TENT5D: variants seen among roughly 807,000 people sequenced by gnomAD.
TENT5D encodes the protein terminal nucleotidyltransferase 5D, also known as cancer/testis antigen 112.
For synonymous variants in TENT5D, 103 were observed against 100.6 expected, an observed-to-expected ratio of 1.02 and a Z score of -0.15; for missense variants, 191 against 287.0, an observed-to-expected ratio of 0.67 and a Z score of 2.42.
At chrX:80,340,165 C>T (rs970482951) in intron 2 of TENT5D, among the ~76,000 whole-genome samples, 5 of 110,069 alleles carry the variant, frequency 4.5e-5, no homozygotes, top group African/African-American at 1.6e-4. Context: ...GCTCAGAAAA[C>T]TCATTTTTAA....
intron 3 of TENT5D, among the ~76,000 whole-genome samples, chrX:80,375,799 G>A (rs1450889142): frequency 1.8e-5 from 2 of 111,557 alleles, no homozygotes; most frequent in East Asian, 2.8e-4. Flanking sequence ...GAAAACTCAA[G>A]TATCTAGCCT....
chrX:80,365,891 T>C (rs775227094), intron 3 of TENT5D, among the ~76,000 whole-genome samples: 45 of 110,559 alleles, frequency 4.1e-4, no homozygotes, highest in African/African-American at 1.4e-3. Context: ...ATACTTAAAG[T>C]ATTTAGCAAA....
At chrX:80,408,032 A>C (rs1931544051) in intron 3 of TENT5D, among the ~76,000 whole-genome samples, 1 of 109,945 alleles carries the variant, frequency 9.1e-6, no homozygotes, top group Non-Finnish European at 1.9e-5. Flanking sequence ...AGGCAGAAAT[A>C]AAGATGTTCT....
rs138720870 is a variant in TENT5D, at chrX:80,353,564, G to C, written c.-142+11000G>C. Reference sequence around the variant, plus strand: ...TATTTTCCTGTGTTAGCTTACTTAGGATACTTACCTCTAGCTCCATCCATG... The same window carrying C: ...TATTTTCCTGTGTTAGCTTACTTAGCATACTTACCTCTAGCTCCATCCATG... On this transcript the variant is annotated intron_variant, in intron 3 of 4. Transcript: ENST00000538312. Among the ~76,000 whole-genome samples the C allele has an allele frequency of 6.1e-3, 686 of 111,605 alleles. 14 individuals carry two copies. The highest frequency in any genetic ancestry group is 0.021 in the African/African-American group (637 of 30,726).
chrX:80,379,088 T>A (rs1265498313), intron 3 of TENT5D, among the ~76,000 whole-genome samples: 3 of 105,384 alleles, frequency 2.8e-5, no homozygotes, highest in African/African-American at 1.0e-4. Context: ...GGCTGTTGAA[T>A]TTTGTCGAAG....
At chrX:80,348,676 G>T (rs1409932953) in intron 3 of TENT5D, among the ~76,000 whole-genome samples, 4 of 111,603 alleles carry the variant, frequency 3.6e-5, no homozygotes, top group African/African-American at 1.3e-4. Context: ...GATTGCTCTG[G>T]CCAGAACTTC....
intron 2 of TENT5D, among the ~76,000 whole-genome samples, chrX:80,342,230 A>G (rs759861682): frequency 8.9e-6 from 1 of 111,805 alleles, no homozygotes; most frequent in South Asian, 3.7e-4. Flanking sequence ...CTCAAATGAT[A>G]CTTATCAGAC....
intron 3 of TENT5D, among the ~76,000 whole-genome samples, chrX:80,404,426 T>C (rs968591486): frequency 3.3e-4 from 37 of 111,924 alleles, no homozygotes; most frequent in Admixed American, 2.5e-3. Context: ...TTTATAATTT[T>C]GTATTAAGGA....
intron 3 of TENT5D, among the ~76,000 whole-genome samples, chrX:80,399,845 T>A (rs1384686316): frequency 1.8e-5 from 2 of 111,951 alleles, no homozygotes; most frequent in Non-Finnish European, 3.8e-5. Flanking sequence ...ATTTCACAGA[T>A]CTCTTCCATT....
At chrX:80,368,590 C>T (rs1350418359) in intron 3 of TENT5D, among the ~76,000 whole-genome samples, 1 of 111,718 alleles carries the variant, frequency 9.0e-6, no homozygotes, top group Non-Finnish European at 1.9e-5. Flanking sequence ...TATATCTTTG[C>T]CAAAGCTGTA....
chrX:80,407,609 G>T lies in TENT5D; in HGVS notation c.-141-31001G>T, dbSNP rs1486410441. On this transcript the variant is annotated intron_variant, in intron 3 of 4. Transcript: ENST00000538312. Reference sequence around the variant, plus strand: ...CACCCCGATTCATAAAGCAAGTCCTGAGTGACCTACAAAGAGACTTAGACT... The same window carrying T: ...CACCCCGATTCATAAAGCAAGTCCTTAGTGACCTACAAAGAGACTTAGACT... 2.6e-3 allele frequency among the ~76,000 whole-genome samples: 271 copies of T among 105,362 alleles called. 1 individual carries two copies. The highest frequency in any genetic ancestry group is 4.6e-3 in the Non-Finnish European group (237 of 51,371). 91.5% of individuals were successfully genotyped at this position (105,362 alleles called of 115,157 possible).
chrX:80,355,875 A>G (rs1022805653), intron 3 of TENT5D, among the ~76,000 whole-genome samples: 20 of 111,462 alleles, frequency 1.8e-4, no homozygotes, highest in Admixed American at 1.2e-3. Context: ...CAGCTGGTCT[A>G]GTTGACCTTC....
intron 3 of TENT5D, among the ~76,000 whole-genome samples, chrX:80,405,206 A>G (rs374797969): frequency 1.8e-5 from 2 of 112,895 alleles, no homozygotes; most frequent in East Asian, 5.6e-4. Context: ...AATCTCTTAT[A>G]ATTTAAGAGT....
At chrX:80,344,199 T>A (rs772278741) in intron 3 of TENT5D, among the ~76,000 whole-genome samples, 4 of 110,616 alleles carry the variant, frequency 3.6e-5, no homozygotes, top group African/African-American at 6.6e-5. Flanking sequence ...TAGTCCGCCG[T>A]TGATGGGTAC....
rs891934421 is a variant in TENT5D at position 80,366,979 on chromosome X, A to G, written c.-142+24415A>G. ...GAGATAGAAAATATATGCATTTTAT[A>G]CATGAAAGATGTAGGACTTTCAGAA... On this transcript the variant is annotated intron_variant, in intron 3 of 4. Transcript: ENST00000538312. Among the ~76,000 whole-genome samples the G allele has an allele frequency of 2.7e-5, 3 of 111,690 alleles. No individual in the cohort carries two copies. The East Asian group carries it at 8.5e-4, about 31-fold the overall frequency.
intron 3 of TENT5D, among the ~76,000 whole-genome samples, chrX:80,394,430 T>C (rs1301727114): frequency 1.2e-5 from 1 of 85,627 alleles, no homozygotes; most frequent in Admixed American, 1.4e-4. Flanking sequence ...AGAGTTTCAC[T>C]GTTGTTGCCC....
At chrX:80,382,196 C>A (rs1384323116) in intron 3 of TENT5D, among the ~76,000 whole-genome samples, 1 of 111,839 alleles carries the variant, frequency 8.9e-6, no homozygotes, top group African/African-American at 3.3e-5. Flanking sequence ...GTTAGTTTTC[C>A]TTCTAACAGT....
chrX:80,396,944 G>T, intron 3 of TENT5D, among the ~76,000 whole-genome samples: 1 of 88,691 alleles, frequency 1.1e-5, no homozygotes. Flanking sequence ...GGCTGGCCGG[G>T]CAGAGGGGCT....
chrX:80,371,661 A>C (rs188927144), intron 3 of TENT5D, among the ~76,000 whole-genome samples: 39 of 112,075 alleles, frequency 3.5e-4, no homozygotes, highest in African/African-American at 1.2e-3. Context: ...CTCATGAACC[A>C]ACCTCTGCTA....
Sources: gnomAD v4.1 joint callset for allele counts (sites outside exome capture counted in the v4.1 genomes callset) on GRCh38, gnomAD v4.1.1 for gene constraint, MANE v1.5 for transcripts, NCBI Gene and HGNC (gene_info 2026-07-23, HGNC 2026-07-21) for gene names.